ANO7: variants seen among roughly 807,000 people sequenced by gnomAD.
ANO7 encodes the protein anoctamin-7.
In ANO7, 114 loss-of-function variants were observed where a neutral mutation model predicts 115.8. That is an observed-to-expected ratio of 0.98 (90% CI 0.85 to 1.15). The LOEUF is 1.15. ANO7 is among the 50% of genes most tolerant of loss of function. The probability of loss-of-function intolerance (pLI) is 0.00; values close to 1 mark genes in which losing one functional copy is unlikely to be tolerated. For missense variants in ANO7, 1,302 were observed against 1,201.2 expected (o/e 1.08, Z -1.24); for synonymous variants, 550 against 498.2 (o/e 1.10, Z -1.38).
At chr2:241,217,536 C>A in intron 19 of ANO7, 150 bp from the exon 20 acceptor site, 4 of 919,342 alleles carry the variant, frequency 4.4e-6, no homozygotes, top group East Asian at 2.7e-5. Context: ...GCTGCGCGGT[C>A]CAGGACGAGG....
At chr2:241,201,392 G>C in intron 7 of ANO7, 37 bp downstream of exon 7, 1 of 1,599,976 alleles carries the variant, frequency 6.3e-7, no homozygotes, top group Non-Finnish European at 8.5e-7. Context: ...CCCAAACCCT[G>C]ACCTGGCTCT....
intron 17 of ANO7, among the ~76,000 whole-genome samples, chr2:241,214,029 G>A (rs1242440972): frequency 2.6e-5 from 4 of 152,264 alleles, no homozygotes; most frequent in African/African-American, 4.8e-5. Flanking sequence ...GCTCATGCCT[G>A]TAATCCCAGC....
At position 241,203,084 on chromosome 2, in the gene ANO7, C is replaced by A. The variant is rs1304648491; in HGVS notation, c.724-249C>A. ...CTTCTCTCAGGGTGGCCTCTCCAGGCCCTTCCCCGCCCTGAACCCTCGAAG... is the reference window on the plus strand; with the variant it reads ...CTTCTCTCAGGGTGGCCTCTCCAGGACCTTCCCCGCCCTGAACCCTCGAAG... On this transcript the variant is annotated intron_variant, in intron 8 of 24. Coordinates refer to ENST00000674324, the MANE Select transcript of ANO7 (RefSeq NM_001370694.2). The surrounding 1 kb of genome is among the most constrained non-coding windows in gnomAD (Gnocchi z 4.8). Among the ~76,000 whole-genome samples, 3 of 152,170 alleles carry A rather than the reference C, an allele frequency of 2.0e-5. No homozygotes were observed. In the East Asian group the frequency reaches 5.8e-4, roughly 29 times the overall value.
rs760250922 is a variant in ANO7 at position 241,223,219 on chromosome 2, T to C, written c.2355T>C (p.Tyr785=). Residue 785 remains tyrosine (Y), a synonymous_variant, in exon 22 of 25, where the codon TAT becomes TAC. Transcript: ENST00000674324. ...YRAFRDDDGH[Y]SQTYWNLLAI... ...CTTTCCGGGATGACGATGGACATTA[T>C]TCCCAGACCTACTGGAATCTTCTTG... 1.5e-5 allele frequency: 24 copies of C among 1,614,248 alleles called. No homozygotes were observed. The highest frequency in any genetic ancestry group is 1.8e-5 in the Non-Finnish European group (21 of 1,180,046).
chr2:241,200,211 G>T lies in ANO7; in HGVS notation c.540G>T (p.Val180=). Residue 180 remains valine (V), a synonymous_variant, in exon 6 of 25, where the codon GTG becomes GTT. Transcript: ENST00000674324. ...AGTACTACTCCTGCCGGTTCAGAGT[G>T]AACAAGCTGCCACGGTAAGGCAGGG... ...PPEYYSCRFR[V]NKLPRFLGSD... 6.2e-7 allele frequency: 1 copy of T among 1,612,798 alleles called. No homozygotes were observed. The highest frequency in any genetic ancestry group is 1.1e-5 in the South Asian group (1 of 91,036).
chr2:241,198,730 C>A (rs2068399308), intron 4 of ANO7, among the ~76,000 whole-genome samples: 1 of 152,234 alleles, frequency 6.6e-6, no homozygotes, highest in Non-Finnish European at 1.5e-5. Context: ...CAGTTATGCA[C>A]TCAGAGGAGG....
chr2:241,230,770 C>T, downstream of ANO7: 1 of 1,614,200 alleles, frequency 6.2e-7, no homozygotes, highest in South Asian at 1.1e-5. The surrounding 1 kb of genome is among the most constrained non-coding windows in gnomAD (Gnocchi z 5.0). Flanking sequence ...TTGAATTCGT[C>T]CATGATTTTG....
chr2:241,223,430 C>T (rs2069076015), intron 22 of ANO7, 154 bp downstream of exon 22: 1 of 1,070,690 alleles, frequency 9.3e-7, no homozygotes, highest in South Asian at 1.3e-5. Context: ...TGCGTTTTCC[C>T]TGCCTGGCCT....
intron 3 of ANO7, among the ~76,000 whole-genome samples, chr2:241,193,394 C>G (rs981005855): frequency 3.3e-5 from 5 of 152,008 alleles, no homozygotes; most frequent in Non-Finnish European, 5.9e-5. Flanking sequence ...AAAACGTAGA[C>G]AGCCCTTATT....
At chr2:241,234,236 GAC>G in the ANO7 span, among the ~76,000 whole-genome samples, 26 of 152,236 alleles carry the variant, frequency 1.7e-4, no homozygotes, top group Non-Finnish European at 3.4e-4. Context: ...CTCAGGAACT[GAC>G]AGAGCTAGGC....
At chr2:241,216,428 T>A (rs1200482360) in intron 19 of ANO7, among the ~76,000 whole-genome samples, 190 bp downstream of exon 19, 1 of 152,052 alleles carries the variant, frequency 6.6e-6, no homozygotes, top group Non-Finnish European at 1.5e-5. Context: ...CCCCTGAGAG[T>A]GCCCAAGAGG....
chr2:241,223,807 C>T, intron 23 of ANO7, 26 bp downstream of exon 23: 4 of 1,614,150 alleles, frequency 2.5e-6, no homozygotes, highest in Non-Finnish European at 3.4e-6. Flanking sequence ...CAGTCTCGGC[C>T]CTCCCCCCAG....
intron 21 of ANO7, among the ~76,000 whole-genome samples, chr2:241,221,637 C>G (rs1238892613): frequency 6.6e-6 from 1 of 151,206 alleles, no homozygotes; most frequent in Non-Finnish European, 1.5e-5. Flanking sequence ...TTCAGCCTCC[C>G]AAAGTGTTGA....
the ANO7 span, chr2:241,239,910 G>A: frequency 5.0e-6 from 8 of 1,613,940 alleles, no homozygotes; most frequent in Non-Finnish European, 5.9e-6. The surrounding 1 kb of genome is among the most constrained non-coding windows in gnomAD (Gnocchi z 4.6). Flanking sequence ...CCAGGTTTTG[G>A]ATCAAGGCCT....
intron 1 of ANO7, among the ~76,000 whole-genome samples, chr2:241,189,357 C>A (rs1163175735): frequency 6.6e-6 from 1 of 152,204 alleles, no homozygotes; most frequent in Non-Finnish European, 1.5e-5. Context: ...CATGGTCACA[C>A]CCTCCGGTCA....
intron 15 of ANO7, among the ~76,000 whole-genome samples, chr2:241,210,834 ATT>A (rs142419766): frequency 8.9e-5 from 13 of 146,028 alleles, no homozygotes; most frequent in Admixed American, 2.0e-4. Context: ...CCCAGCTGAA[ATT>A]TTTTTTTTTT....
At chr2:241,199,978 T>C in intron 5 of ANO7, 111 bp from the exon 6 acceptor site, 1 of 1,304,540 alleles carries the variant, frequency 7.7e-7, no homozygotes, top group Non-Finnish European at 1.1e-6. Flanking sequence ...TTCCCTCTGC[T>C]GGAGCCCCTT....
intron 7 of ANO7, 117 bp from the exon 8 acceptor site, chr2:241,202,077 C>T (rs1260388606): frequency 2.6e-6 from 2 of 779,050 alleles, no homozygotes; most frequent in Non-Finnish European, 4.3e-6. Flanking sequence ...TCGCTATTGT[C>T]ACCAGAAGGC....
intron 15 of ANO7, among the ~76,000 whole-genome samples, chr2:241,210,925 C>T (rs945905157): frequency 1.3e-5 from 2 of 152,122 alleles, no homozygotes; most frequent in Non-Finnish European, 2.9e-5. Flanking sequence ...CTGCCTAGGC[C>T]TCTCAAAGTG....
Sources: gnomAD v4.1 joint callset for allele counts (sites outside exome capture counted in the v4.1 genomes callset) on GRCh38, gnomAD v4.1.1 for gene constraint, Gnocchi (gnomAD v3.1) non-coding constraint, MANE v1.5 for transcripts, NCBI Gene and HGNC (gene_info 2026-07-23, HGNC 2026-07-21) for gene names.